The following GNA12 variants were observed in gnomAD, a reference collection of about 807,000 sequenced individuals.
GNA12 encodes guanine nucleotide-binding protein subunit alpha-12.
Under a neutral mutation model 26.0 loss-of-function variants are expected in GNA12, and 9 were observed. That is an observed-to-expected ratio of 0.35 (90% CI 0.21 to 0.60). GNA12 has a LOEUF of 0.60. Among genes scored for constraint, GNA12 ranks in the 20% least tolerant of loss-of-function variants. The probability of loss-of-function intolerance (pLI) is 0.78; values close to 1 mark genes in which losing one functional copy is unlikely to be tolerated. For synonymous variants in GNA12, 264 were observed against 219.6 expected (o/e 1.20, Z -1.79); for missense variants, 405 against 525.8 (o/e 0.77, Z 2.25).
At chr7:2,791,713 A>G (rs975529618) in intron 2 of GNA12, among the ~76,000 whole-genome samples, 2 of 152,116 alleles carry the variant, frequency 1.3e-5, no homozygotes. Context: ...GAAGAGAAAC[A>G]AGGGTCTACT....
At chr7:2,766,285 C>T (rs1226701577) in intron 2 of GNA12, among the ~76,000 whole-genome samples, 1 of 152,094 alleles carries the variant, frequency 6.6e-6, no homozygotes, top group Non-Finnish European at 1.5e-5. Context: ...AGTATGTTAG[C>T]TGCAGTCTTT....
intron 2 of GNA12, among the ~76,000 whole-genome samples, chr7:2,752,431 G>C (rs1005778996): frequency 3.3e-5 from 5 of 152,104 alleles, no homozygotes; most frequent in African/African-American, 9.7e-5. Flanking sequence ...AAGTTAGAAA[G>C]ACTAACAGCA....
chr7:2,752,894 G>C (rs1562406422), intron 2 of GNA12, among the ~76,000 whole-genome samples: 1 of 152,146 alleles, frequency 6.6e-6, no homozygotes, highest in Non-Finnish European at 1.5e-5. Context: ...CAATGTGTGT[G>C]TGGTTCCATG....
intron 1 of GNA12, among the ~76,000 whole-genome samples, chr7:2,822,951 G>GGTGC (rs1793401718): frequency 6.6e-6 from 1 of 152,184 alleles, no homozygotes; most frequent in African/African-American, 2.4e-5. Context: ...TTCACTATCA[G>GGTGC]TCCTCTGCCC....
intron 1 of GNA12, among the ~76,000 whole-genome samples, chr7:2,799,919 T>C (rs556729885): frequency 1.3e-5 from 2 of 152,204 alleles, no homozygotes; most frequent in Admixed American, 6.5e-5. Context: ...GGACCTCTCA[T>C]ACACTGCTAG....
chr7:2,748,356 C>CATGT (rs1790868176), intron 2 of GNA12, among the ~76,000 whole-genome samples: 1 of 152,198 alleles, frequency 6.6e-6, no homozygotes, highest in African/African-American at 2.4e-5. Flanking sequence ...AATAATGCTG[C>CATGT]ATATCTACAA....
chr7:2,777,733 A>C (rs1192408449), intron 2 of GNA12, among the ~76,000 whole-genome samples: 2 of 152,182 alleles, frequency 1.3e-5, no homozygotes, highest in African/African-American at 2.4e-5. Flanking sequence ...ACTGTGAAAA[A>C]TATATGTCTG....
chr7:2,792,446 C>T (rs908002433), intron 2 of GNA12, among the ~76,000 whole-genome samples: 17 of 152,222 alleles, frequency 1.1e-4, no homozygotes, highest in Admixed American at 6.5e-5. Context: ...AGGGCAAAGA[C>T]AGAAGCCTGT....
intron 1 of GNA12, among the ~76,000 whole-genome samples, chr7:2,796,979 G>C (rs999273891): frequency 6.6e-6 from 1 of 152,160 alleles, no homozygotes; most frequent in African/African-American, 2.4e-5. Context: ...GTCTACACTG[G>C]GGGTATACAG....
At chr7:2,829,015 G>T (rs558393111) in intron 1 of GNA12, among the ~76,000 whole-genome samples, 1 of 151,832 alleles carries the variant, frequency 6.6e-6, no homozygotes, top group South Asian at 2.1e-4. Context: ...GGAGGCTGCA[G>T]CGAGCCAAGA....
intron 1 of GNA12, among the ~76,000 whole-genome samples, chr7:2,818,483 C>G (rs778993562): frequency 1.3e-5 from 2 of 152,184 alleles, no homozygotes; most frequent in Non-Finnish European, 2.9e-5. Flanking sequence ...GAACAGGAAG[C>G]CTGGTGCGGT....
At chr7:2,767,417 G>T (rs1438208548) in intron 2 of GNA12, among the ~76,000 whole-genome samples, 1 of 152,120 alleles carries the variant, frequency 6.6e-6, no homozygotes, top group Non-Finnish European at 1.5e-5. Context: ...TTTGTATACA[G>T]TATAAGAGTT....
chr7:2,762,923 G>C (rs1562414484), intron 2 of GNA12: 4 of 1,408,838 alleles, frequency 2.8e-6, no homozygotes, highest in African/African-American at 2.9e-5. Flanking sequence ...CCACAGGCGG[G>C]GACGCCCCAG....
At chr7:2,758,646 G>C (rs371679492) in intron 2 of GNA12, among the ~76,000 whole-genome samples, 136 of 152,300 alleles carry the variant, frequency 8.9e-4, no homozygotes, top group African/African-American at 3.1e-3. Flanking sequence ...GGTCTCGGGG[G>C]CCCCCACAGC....
intron 2 of GNA12, among the ~76,000 whole-genome samples, chr7:2,793,282 G>GCGCGAGAGGAAGCAGCGGACAGGA (rs375684731): frequency 0.011 from 1,639 of 148,230 alleles, 79 homozygotes; most frequent in African/African-American, 0.038. Flanking sequence ...GCAGACAGGA[G>GCGCGAGAGGAAGCAGCGGACAGGA]CGCGAGAGGA....
At chr7:2,744,181 C>G (rs798508) in intron 2 of GNA12, among the ~76,000 whole-genome samples, 35,971 of 152,130 alleles carry the variant, frequency 0.24, 4,906 homozygotes, top group Non-Finnish European at 0.29. Flanking sequence ...AGTGGTTCTC[C>G]CAGCACGCAG....
At chr7:2,789,246 C>T (rs1792453654) in intron 2 of GNA12, among the ~76,000 whole-genome samples, 1 of 146,150 alleles carries the variant, frequency 6.8e-6, no homozygotes, top group African/African-American at 2.6e-5. Flanking sequence ...CGCCATTCTC[C>T]TGCCTCAGCC....
intron 2 of GNA12, among the ~76,000 whole-genome samples, chr7:2,754,875 C>T (rs1791216840): frequency 6.6e-6 from 1 of 152,126 alleles, no homozygotes; most frequent in Non-Finnish European, 1.5e-5. Flanking sequence ...AGTTCTAGGC[C>T]CCAAGGAGTT....
intron 1 of GNA12, among the ~76,000 whole-genome samples, chr7:2,833,821 C>T (rs1347474903): frequency 6.6e-6 from 1 of 152,168 alleles, no homozygotes; most frequent in African/African-American, 2.4e-5. Flanking sequence ...AGAGGCACTT[C>T]TGAACTCCCA....
Sources: gnomAD v4.1 joint callset for allele counts (sites outside exome capture counted in the v4.1 genomes callset) on GRCh38, gnomAD v4.1.1 for gene constraint, MANE v1.5 for transcripts, NCBI Gene and HGNC (gene_info 2026-07-23, HGNC 2026-07-21) for gene names.